Variants in LTBP2 observed in about 807,000 individuals in gnomAD.
The protein encoded by LTBP2 is latent-transforming growth factor beta-binding protein 2.
A neutral mutation model predicts 210.6 loss-of-function variants in LTBP2; 103 were observed. The ratio of observed to expected loss-of-function variants is 0.49; its 90% CI spans 0.42 to 0.58. The LOEUF is 0.58. Among genes scored for constraint, LTBP2 ranks in the 20% least tolerant of loss-of-function variants. LTBP2 has a pLI of 0.00. For synonymous variants in LTBP2, 1,007 were observed against 1,015.0 expected (o/e 0.99, Z 0.15); for missense variants, 2,313 against 2,494.5 (o/e 0.93, Z 1.55).
chr14:74,506,815 C>T lies in LTBP2; in HGVS notation c.3916G>A (p.Glu1306Lys), dbSNP rs573815449. ...APNGDCIDID[E>K]CANDTMCGSH... is the part of the protein sequence containing the mutation. ...CCACACATGGTGTCGTTGGCGCACTCGTCTATGTCTGTGGGACAGTGGGAA... is the reference window on the plus strand; with the variant it reads ...CCACACATGGTGTCGTTGGCGCACTTGTCTATGTCTGTGGGACAGTGGGAA... The change falls in exon 27 of 36, where the codon GAG becomes AAG. Residue 1306 changes from glutamate (E) to lysine (K), a missense_variant. Glu to Lys is a moderately conservative substitution (Grantham distance 56). Around this residue, in one of 3 missense-constraint regions of LTBP2, gnomAD observed 1,867 missense variants for 1,976.9 expected, o/e 0.94. Coordinates refer to ENST00000261978, the MANE Select transcript of LTBP2 (RefSeq NM_000428.3). The T allele has an allele frequency of 1.7e-5, 28 of 1,613,868 alleles. No homozygotes were observed. Among genetic ancestry groups the T allele is most frequent in the Middle Eastern group, 1.7e-4 (1 of 6,060 alleles).
intron 2 of LTBP2, among the ~76,000 whole-genome samples, chr14:74,602,131 G>A (rs757133847): frequency 6.6e-6 from 1 of 152,314 alleles, no homozygotes; most frequent in South Asian, 2.1e-4. Context: ...GGGAGTGAAC[G>A]AAGCCCAGGA....
intron 2 of LTBP2, among the ~76,000 whole-genome samples, chr14:74,592,913 C>T (rs920133296): frequency 6.6e-6 from 1 of 152,106 alleles, no homozygotes. Flanking sequence ...CAGTCTCTAG[C>T]CATTCGTAAT....
chr14:74,510,114 G>T lies in LTBP2; in HGVS notation c.3128C>A (p.Thr1043Asn), dbSNP rs756469312. 6.2e-7 allele frequency: 1 copy of T among 1,614,012 alleles called. No homozygotes were observed. Among genetic ancestry groups the T allele is most frequent in the African/African-American group, 1.3e-5 (1 of 74,936 alleles). ...ACCTTGGCAGCCCTTCTCATCTGAG[G>T]TGACCTCATAGCCCTGCTCACAAGA... The part of the protein sequence containing the change: ...RCSCEQGYEV[T>N]SDEKGCQDVD... The change falls in exon 20 of 36, where the codon ACC becomes AAC. Residue 1043 changes from threonine to asparagine, a missense_variant. Around this residue, in one of 3 missense-constraint regions of LTBP2, gnomAD observed 1,867 missense variants for 1,976.9 expected, o/e 0.94. Coordinates refer to ENST00000261978, the MANE Select transcript of LTBP2 (RefSeq NM_000428.3).
At chr14:74,584,494 AC>A (rs2088177256) in intron 3 of LTBP2, among the ~76,000 whole-genome samples, 1 of 152,092 alleles carries the variant, frequency 6.6e-6, no homozygotes, top group African/African-American at 2.4e-5. Flanking sequence ...GGTGCCTTAC[AC>A]CAGGCTTACC....
chr14:74,521,805 A>T, intron 17 of LTBP2, 106 bp downstream of exon 17: 1 of 1,467,816 alleles, frequency 6.8e-7, no homozygotes, highest in Non-Finnish European at 9.5e-7. Flanking sequence ...TCAGCTGCCC[A>T]CTCCCCATTC....
In LTBP2 at chr14:74,552,216, G is replaced by C; in HGVS notation, c.1370C>G (p.Thr457Ser). ...ALLEAPLKQS[T>S]FTLPLSNQLA... ...CTGGTTGGAGAGCGGCAGTGTGAAA[G>C]TGGACTGCTTCAGTGGGGCTTCCAG... is the stretch of plus-strand genomic sequence containing the variant. The change falls in exon 6 of 36, where the codon ACT becomes AGT. Residue 457 changes from threonine (T) to serine (S), a missense_variant. By Grantham distance (58) the Thr-to-Ser change is moderately conservative. Transcript: ENST00000261978. 1 of 1,611,796 alleles carries C rather than the reference G, an allele frequency of 6.2e-7. No individual in the cohort carries two copies.
chr14:74,575,880 A>C (rs2088051315), intron 3 of LTBP2, among the ~76,000 whole-genome samples: 1 of 152,246 alleles, frequency 6.6e-6, no homozygotes, highest in African/African-American at 2.4e-5. Flanking sequence ...CTGGAGGCCT[A>C]CAGTGAGCAT....
At chr14:74,601,473 C>T (rs1351187243) in intron 2 of LTBP2, among the ~76,000 whole-genome samples, 2 of 152,224 alleles carry the variant, frequency 1.3e-5, no homozygotes, top group African/African-American at 2.4e-5. Context: ...GGCCTGACCT[C>T]TGAGCCGCCC....
Position 74,508,646 on chromosome 14 carries a change from C to T in LTBP2, c.3610G>A (p.Ala1204Thr), listed in dbSNP as rs574833922. The change falls in exon 24 of 36, where the codon GCG becomes ACG. Residue 1204 changes from alanine (A) to threonine (T), a missense_variant. Transcript: ENST00000261978. ...CCCTCTGCGCTGACGAAGCCAGGCG[C>T]GCACAGACAGAAGAAAGACCCGTGG... ...NSHGSFFCLC[A>T]PGFVSAEGGT... is the part of the protein sequence containing the mutation. 15 of 1,612,620 alleles carry T rather than the reference C, an allele frequency of 9.3e-6. No homozygotes were observed. Among genetic ancestry groups the T allele is most frequent in the East Asian group, 6.7e-5 (3 of 44,890 alleles).
chr14:74,575,718 C>G (rs1223293732), intron 3 of LTBP2, among the ~76,000 whole-genome samples: 1 of 152,222 alleles, frequency 6.6e-6, no homozygotes, highest in Non-Finnish European at 1.5e-5. Flanking sequence ...ATTTCTAGAA[C>G]CTACCCTCTG....
intron 8 of LTBP2, among the ~76,000 whole-genome samples, chr14:74,541,009 C>T: frequency 6.8e-6 from 1 of 146,298 alleles, no homozygotes; most frequent in South Asian, 2.1e-4. Context: ...GTTTAGATGG[C>T]CATATGGCTC....
intron 1 of LTBP2, among the ~76,000 whole-genome samples, 158 bp from the exon 2 acceptor site, chr14:74,603,863 C>T (rs1386628615): frequency 6.6e-6 from 1 of 152,170 alleles, no homozygotes; most frequent in African/African-American, 2.4e-5. Flanking sequence ...AAGATTGAAT[C>T]CTGACTCTGC....
rs1221422298 is a variant in LTBP2, at chr14:74,501,556, C to G, written c.5205G>C (p.Glu1735Asp). ...PPAGFEGLQAEECGILNGCEN... is the reference protein window; with the variant it reads ...PPAGFEGLQADECGILNGCEN... The stretch of plus-strand genomic sequence containing the variant: ...CACAGCCGTTCAGGATGCCGCACTC[C>G]TCCGCCTGAAGCCCTTCGAAGCCGG... The change falls in exon 35 of 36, where the codon GAG (glutamate) becomes GAC (aspartate). Residue 1735 changes from glutamate (E) to aspartate (D), a missense_variant. Coordinates refer to ENST00000261978, the MANE Select transcript of LTBP2 (RefSeq NM_000428.3). 6.2e-7 allele frequency: 1 copy of G among 1,614,056 alleles called. No individual in the cohort carries two copies. Among genetic ancestry groups the G allele is most frequent in the African/African-American group, 1.3e-5 (1 of 74,940 alleles).
intron 3 of LTBP2, among the ~76,000 whole-genome samples, chr14:74,584,099 G>A (rs1006357858): frequency 6.6e-6 from 1 of 152,154 alleles, no homozygotes; most frequent in Admixed American, 6.5e-5. Flanking sequence ...CACTATGCAG[G>A]GGGGCTGTAG....
chr14:74,552,806 G>A lies in LTBP2; in HGVS notation c.1192+86C>T, dbSNP rs866930092. Reference sequence around the variant, plus strand: ...TGTGGAGCCACAGTTTGGGAGCAGCGGGCTCCAGTCCAAGGCAGGCCTGGC... The same window carrying A: ...TGTGGAGCCACAGTTTGGGAGCAGCAGGCTCCAGTCCAAGGCAGGCCTGGC... On this transcript the variant is annotated intron_variant, in intron 5 of 35. Coordinates refer to ENST00000261978, the MANE Select transcript of LTBP2 (RefSeq NM_000428.3). 3.9e-5 allele frequency: 58 copies of A among 1,493,806 alleles called. No individual in the cohort carries two copies. In the African/African-American group the frequency reaches 6.2e-4, roughly 16 times the overall value. The allele number at this position is 1,493,806 out of a possible 1,614,324, so 92.5% of individuals were successfully genotyped here.
intron 8 of LTBP2, among the ~76,000 whole-genome samples, chr14:74,537,666 AG>A (rs1412750874): frequency 1.3e-5 from 2 of 152,224 alleles, no homozygotes; most frequent in Non-Finnish European, 1.5e-5. Flanking sequence ...ATTGTCATCC[AG>A]GAAGTCATTT....
chr14:74,552,830 G>A lies in LTBP2; in HGVS notation c.1192+62C>T. Reference sequence around the variant, plus strand: ...CGGGCTCCAGTCCAAGGCAGGCCTGGCTCTCTGGCCATCTACCCTCCAGGG... The same window carrying A: ...CGGGCTCCAGTCCAAGGCAGGCCTGACTCTCTGGCCATCTACCCTCCAGGG... On this transcript the variant is annotated intron_variant, in intron 5 of 35. Coordinates refer to ENST00000261978, the MANE Select transcript of LTBP2 (RefSeq NM_000428.3). 1.9e-6 allele frequency: 3 copies of A among 1,563,574 alleles called. No individual in the cohort carries two copies. The Admixed American group carries it at 5.6e-5, about 29-fold the overall frequency.
At chr14:74,523,350 G>C (rs2139712034) in intron 15 of LTBP2, among the ~76,000 whole-genome samples, 1 of 152,260 alleles carries the variant, frequency 6.6e-6, no homozygotes, top group East Asian at 1.9e-4. Context: ...GGGGAAAATG[G>C]GAGGGGTGGA....
Position 74,510,191 on chromosome 14 carries a change from G to A in LTBP2, c.3051C>T (p.Pro1017=), listed in dbSNP as rs772832132. The part of the protein sequence containing the change: ...SCVDVNECLT[P]GVCAHGKCTN... ...TGCACTTTCCATGGGCACAGACCCC[G>A]GGAGTCAGACACTCATTCACATCTG... Residue 1017 remains proline (P), a synonymous_variant, in exon 20 of 36, where the codon CCC becomes CCT. Coordinates refer to ENST00000261978, the MANE Select transcript of LTBP2 (RefSeq NM_000428.3). 14 of 1,613,776 alleles carry A rather than the reference G, an allele frequency of 8.7e-6. No individual in the cohort carries two copies. The highest frequency in any genetic ancestry group is 2.7e-5 in the African/African-American group (2 of 74,928).
Sources: allele counts gnomAD v4.1 joint callset (sites outside exome capture counted in the v4.1 genomes callset), GRCh38; gene constraint gnomAD v4.1.1; regional missense constraint gnomAD v4.1.1; transcripts MANE v1.5; gene names NCBI Gene and HGNC (gene_info 2026-07-23, HGNC 2026-07-21).